The following ZC3H18 variants were observed in gnomAD, a reference collection of about 807,000 sequenced individuals.
The protein encoded by ZC3H18 is zinc finger CCCH domain-containing protein 18.
ZC3H18 carries 8 observed loss-of-function variants against 106.1 expected under a neutral mutation model. The observed-to-expected ratio is 0.08, with a 90% CI of 0.04 to 0.14. ZC3H18 has a LOEUF of 0.14. Ranked by LOEUF, ZC3H18 falls within the 10% of genes least tolerant of loss-of-function variation. The pLI is 1.00. For synonymous variants in ZC3H18, 635 were observed against 522.1 expected (o/e 1.22, Z -2.95); for missense variants, 1,318 against 1,278.4 (o/e 1.03, Z -0.47).
At chr16:88,589,129 T>A (rs936344659) in intron 3 of ZC3H18, among the ~76,000 whole-genome samples, 3 of 152,224 alleles carry the variant, frequency 2.0e-5, no homozygotes, top group Admixed American at 1.3e-4. Context: ...CAGTTTATGA[T>A]CTCTCCAATA....
chr16:88,573,496 C>G (rs1011458609), intron 1 of ZC3H18, among the ~76,000 whole-genome samples: 10 of 152,146 alleles, frequency 6.6e-5, no homozygotes, highest in African/African-American at 2.2e-4. Context: ...TGCAGAAATG[C>G]TCTGTGCATC....
chr16:88,631,154 C>A lies in ZC3H18; in HGVS notation c.2717C>A (p.Pro906His). 2 of 1,613,418 alleles carry A rather than the reference C, an allele frequency of 1.2e-6. No homozygotes were observed. The highest frequency in any genetic ancestry group is 1.7e-6 in the Non-Finnish European group (2 of 1,180,020). Reference protein sequence around the residue: ...SKSSSKVTSVPGKASDPGAAS... With the variant: ...SKSSSKVTSVHGKASDPGAAS... ...AGCTCCAGCAAGGTCACGAGCGTGC[C>A]CGGCAAAGCCTCGGATCCCGGCGCC... The change falls in exon 18 of 18, where the codon CCC becomes CAC. Residue 906 changes from proline to histidine, a missense_variant. Coordinates refer to ENST00000301011, the MANE Select transcript of ZC3H18 (RefSeq NM_144604.4).
Position 88,624,674 on chromosome 16 carries a change from C to T in ZC3H18, c.1971C>T (p.Pro657=), listed in dbSNP as rs376260255. The T allele has an allele frequency of 3.6e-5, 58 of 1,613,910 alleles. No homozygotes were observed. The highest frequency in any genetic ancestry group is 1.7e-4 in the African/African-American group (13 of 75,038). The part of the protein sequence containing the change: ...PQATKTTAPV[P]EPTKPGDPRE... ...CCACCAAAACCACTGCTCCTGTCCCCGAGCCCACCAAGCCAGGAGACCCTC... is the reference window on the plus strand; with the variant it reads ...CCACCAAAACCACTGCTCCTGTCCCTGAGCCCACCAAGCCAGGAGACCCTC... The change falls in exon 12 of 18, where the codon CCC becomes CCT. Residue 657 remains proline, a synonymous_variant. Transcript: ENST00000301011.
At chr16:88,602,715 G>A (rs752253340) in intron 6 of ZC3H18, among the ~76,000 whole-genome samples, 2 of 152,212 alleles carry the variant, frequency 1.3e-5, no homozygotes, top group Non-Finnish European at 2.9e-5. Flanking sequence ...GTCTTGCTAT[G>A]TTGCTCAGGC....
chr16:88,631,442 C>A lies in ZC3H18; in HGVS notation c.*143C>A. 1.7e-6 allele frequency: 2 copies of A among 1,183,018 alleles called. No individual in the cohort carries two copies. Among genetic ancestry groups the A allele is most frequent in the Non-Finnish European group, 2.4e-6 (2 of 843,800 alleles). 73.3% of individuals were successfully genotyped at this position (1,183,018 alleles called of 1,614,324 possible). ...AAAAGTTTCTCAGCTGGAAAAGAAGCCACACAGGAAATGACAACGACGCTG... is the reference window on the plus strand; with the variant it reads ...AAAAGTTTCTCAGCTGGAAAAGAAGACACACAGGAAATGACAACGACGCTG... On this transcript the variant is annotated 3_prime_UTR_variant, in exon 18 of 18. Transcript: ENST00000301011.
Position 88,577,558 on chromosome 16 carries a change from C to T in ZC3H18, c.435C>T (p.Asp145=), listed in dbSNP as rs760597277. ...AGCCAGCTCCCGCCGTCCAGGAGGA[C>T]GAGGCTGAGAAAGCGGGGGCTGAGG... ...PEEPAPAVQE[D]EAEKAGAEDD... is the part of the protein sequence containing the mutation. Residue 145 remains aspartate (D), a synonymous_variant, in exon 2 of 18, where the codon GAC becomes GAT. Transcript: ENST00000301011. 13 of 1,613,354 alleles carry T rather than the reference C, an allele frequency of 8.1e-6. No homozygotes were observed. The highest frequency in any genetic ancestry group is 3.3e-5 in the Admixed American group (2 of 59,974).
At chr16:88,573,700 C>A (rs1415912244) in intron 1 of ZC3H18, among the ~76,000 whole-genome samples, 1 of 151,990 alleles carries the variant, frequency 6.6e-6, no homozygotes, top group Non-Finnish European at 1.5e-5. Context: ...GTACATGCCA[C>A]CACTCCTGGC....
intron 8 of ZC3H18, among the ~76,000 whole-genome samples, chr16:88,621,556 C>T (rs1210486716): frequency 6.6e-6 from 1 of 152,000 alleles, no homozygotes; most frequent in Non-Finnish European, 1.5e-5. Context: ...TGGAGTTTCA[C>T]CATGTTGGCC....
At chr16:88,598,773 C>T (rs1904589127) in intron 5 of ZC3H18, 61 bp downstream of exon 5, 2 of 1,502,150 alleles carry the variant, frequency 1.3e-6, no homozygotes, top group Admixed American at 1.9e-5. Flanking sequence ...TGGTTCTTGA[C>T]AAAACTGGGA....
rs374727828 is a variant in ZC3H18, at chr16:88,598,671, A to G, written c.889A>G (p.Thr297Ala). The G allele has an allele frequency of 2.4e-5, 39 of 1,613,292 alleles. No individual in the cohort carries two copies. The highest frequency in any genetic ancestry group is 3.3e-5 in the Admixed American group (2 of 59,940). Reference sequence around the variant, plus strand: ...GCCTCCACCCCCTCCAGAGCCCCCAACAGAGAGTGCCTGGGAACGAGGACT... The same window carrying G: ...GCCTCCACCCCCTCCAGAGCCCCCAGCAGAGAGTGCCTGGGAACGAGGACT... Reference protein sequence around the residue: ...ILPPPPPEPPTESAWERGLRH... With the variant: ...ILPPPPPEPPAESAWERGLRH... The change falls in exon 5 of 18, where the codon ACA becomes GCA. Residue 297 changes from threonine to alanine, a missense_variant. Around this residue, in one of 6 missense-constraint regions of ZC3H18, gnomAD observed 78 missense variants for 67.3 expected, o/e 1.16. Coordinates refer to ENST00000301011, the MANE Select transcript of ZC3H18 (RefSeq NM_144604.4).
chr16:88,630,146 A>G, intron 16 of ZC3H18: 1 of 253,052 alleles, frequency 4.0e-6, no homozygotes, highest in Non-Finnish European at 7.6e-6. Context: ...CTTTGCTTGT[A>G]TTTCTTTACT....
chr16:88,578,330 G>T (rs1011671167), intron 2 of ZC3H18, among the ~76,000 whole-genome samples: 30 of 152,164 alleles, frequency 2.0e-4, no homozygotes, highest in African/African-American at 6.8e-4. Flanking sequence ...AATTAATGTG[G>T]CCTTCAGGTT....
intron 8 of ZC3H18, among the ~76,000 whole-genome samples, chr16:88,611,898 G>A (rs1905294072): frequency 6.6e-6 from 1 of 152,224 alleles, no homozygotes; most frequent in Non-Finnish European, 1.5e-5. Context: ...CCATGTTACT[G>A]TTCTCAGGAG....
At chr16:88,587,722 AG>A in intron 3 of ZC3H18, 4 of 1,145,206 alleles carry the variant, frequency 3.5e-6, no homozygotes, top group Admixed American at 2.2e-5. Flanking sequence ...CCAGAAGGAA[AG>A]GGGGTCTTTG....
intron 3 of ZC3H18, among the ~76,000 whole-genome samples, chr16:88,588,780 G>T (rs1191737407): frequency 6.6e-6 from 1 of 152,078 alleles, no homozygotes; most frequent in Non-Finnish European, 1.5e-5. Flanking sequence ...CGTGGGGGGT[G>T]GGGGCTGACA....
rs773094564 is a variant in ZC3H18 at position 88,627,670 on chromosome 16, C to T, written c.2157C>T (p.Ser719=). ...CCTCAGTGTCCAGTGCTACGTCGAG[C>T]AGCAGCTCTGCACACAGCGTGGACT... ...SVSSVSSATS[S]SSSAHSVDSE... is the part of the protein sequence containing the mutation. The change falls in exon 14 of 18, where the codon AGC becomes AGT. Residue 719 remains serine (S), a synonymous_variant. Transcript: ENST00000301011. The surrounding 1 kb of genome is among the most constrained non-coding windows in gnomAD (Gnocchi z 4.5). The T allele has an allele frequency of 1.9e-6, 3 of 1,612,920 alleles. No homozygotes were observed. In the East Asian group the frequency reaches 6.7e-5, roughly 36 times the overall value.
intron 8 of ZC3H18, among the ~76,000 whole-genome samples, chr16:88,614,577 T>C (rs1031328831): frequency 2.6e-5 from 4 of 152,240 alleles, no homozygotes; most frequent in Admixed American, 6.5e-5. Context: ...AAATGTGCTG[T>C]ATTTGTCATA....
chr16:88,622,999 C>T (rs1906060648), intron 9 of ZC3H18: 12 of 651,038 alleles, frequency 1.8e-5, no homozygotes. Flanking sequence ...GTCTTGATTT[C>T]TAAATGCCGT....
At chr16:88,595,480 T>C (rs549423766) in intron 3 of ZC3H18, among the ~76,000 whole-genome samples, 19,385 of 149,622 alleles carry the variant, frequency 0.13, 1,373 homozygotes, top group Middle Eastern at 0.18. Context: ...CTTTCTTTTT[T>C]TTTTTTTTTT....
Sources: allele counts gnomAD v4.1 joint callset (sites outside exome capture counted in the v4.1 genomes callset), GRCh38; gene constraint gnomAD v4.1.1; regional missense constraint gnomAD v4.1.1; non-coding constraint Gnocchi (gnomAD v3.1); transcripts MANE v1.5; gene names NCBI Gene and HGNC (gene_info 2026-07-23, HGNC 2026-07-21).